Variants in ZNF469 observed in about 807,000 individuals in gnomAD.
The protein encoded by ZNF469 is zinc finger protein 469.
ZNF469 carries 1 observed loss-of-function variant against 1.0 expected under a neutral mutation model. The ratio of observed to expected loss-of-function variants is 1.00; its 90% confidence interval spans 0.35 to 4.73. The LOEUF is 4.73. Among genes scored for constraint, ZNF469 ranks in the 30% most tolerant of loss-of-function variants. ZNF469 has a pLI of 0.16. For synonymous variants in ZNF469, 2,703 were observed against 2,363.4 expected (o/e 1.14, Z -4.17); for missense variants, 6,100 against 5,356.3 (o/e 1.14, Z -4.33).
At chr16:88,187,961 T>C in the ZNF469 span, among the ~76,000 whole-genome samples, 26 of 152,052 alleles carry the variant, frequency 1.7e-4, no homozygotes, top group Non-Finnish European at 3.2e-4. Context: ...GGCAGGGGCT[T>C]TCCTGGGATG....
intron 2 of ZNF469, among the ~76,000 whole-genome samples, chr16:88,426,309 C>G (rs559795816): frequency 6.6e-6 from 1 of 152,372 alleles, no homozygotes; most frequent in East Asian, 1.9e-4. Context: ...ACAATGCCTG[C>G]AAGGGCTGAG....
the ZNF469 span, among the ~76,000 whole-genome samples, chr16:88,210,335 C>A: frequency 1.3e-5 from 2 of 151,720 alleles, no homozygotes; most frequent in East Asian, 1.9e-4. Flanking sequence ...CCTAATTTGT[C>A]ATTTGTCCTT....
the ZNF469 span, among the ~76,000 whole-genome samples, chr16:88,285,645 C>T: frequency 1.2e-4 from 18 of 152,370 alleles, no homozygotes; most frequent in African/African-American, 2.2e-4. Context: ...CTTTCAGACA[C>T]GCTGGAAGCG....
chr16:88,162,671 C>CT, the ZNF469 span, among the ~76,000 whole-genome samples: 1 of 35,954 alleles, frequency 2.8e-5, no homozygotes, highest in Non-Finnish European at 2.1e-4. Flanking sequence ...CTTTTTAGTG[C>CT]CCCCCCCCTT....
chr16:88,162,645 A>C, the ZNF469 span, among the ~76,000 whole-genome samples: 1 of 151,080 alleles, frequency 6.6e-6, no homozygotes, highest in African/African-American at 2.4e-5. Context: ...TCAAAAAAGC[A>C]TTTATCTTAA....
chr16:88,171,379 A>G, the ZNF469 span, among the ~76,000 whole-genome samples: 1 of 152,206 alleles, frequency 6.6e-6, no homozygotes, highest in East Asian at 1.9e-4. Context: ...CATGTTTCAG[A>G]GATTGCACCC....
At position 88,434,377 on chromosome 16, in the gene ZNF469, C is replaced by T. The variant is rs1468922812; in HGVS notation, c.6907C>T (p.Leu2303Phe). The T allele has an allele frequency of 1.3e-6, 2 of 1,550,012 alleles. No individual in the cohort carries two copies. The highest frequency in any genetic ancestry group is 2.4e-5 in the East Asian group (1 of 40,922). Residue 2303 changes from leucine to phenylalanine, a missense_variant, in exon 3 of 3, where the codon CTC (leucine) becomes TTC (phenylalanine). Physicochemically the swap from Leu to Phe is conservative, Grantham distance 22. Coordinates refer to ENST00000565624, the MANE Select transcript of ZNF469 (RefSeq NM_001367624.2). ...AGATGAGGCACAGGCAGGCAGGGGA[C>T]TCCCAGGGCCAGACCCCCAGAGCAG... ...TGDEAQAGRG[L>F]PGPDPQSRGA...
the ZNF469 span, among the ~76,000 whole-genome samples, chr16:88,353,805 C>G: frequency 3.3e-5 from 5 of 152,172 alleles, no homozygotes; most frequent in Non-Finnish European, 5.9e-5. Flanking sequence ...GATGCGGCCA[C>G]TCGCTGAGGA....
chr16:88,314,644 T>C, the ZNF469 span, among the ~76,000 whole-genome samples: 1 of 151,700 alleles, frequency 6.6e-6, no homozygotes, highest in African/African-American at 2.4e-5. Flanking sequence ...ATCTCTGTAA[T>C]TCAGGCAGTG....
the ZNF469 span, among the ~76,000 whole-genome samples, chr16:88,153,707 C>T: frequency 6.6e-4 from 100 of 152,374 alleles, no homozygotes; most frequent in African/African-American, 2.4e-3. Context: ...GTTCTGGAGG[C>T]TGCAAGTCCA....
the ZNF469 span, among the ~76,000 whole-genome samples, chr16:88,255,597 A>T: frequency 6.6e-6 from 1 of 152,214 alleles, no homozygotes; most frequent in Admixed American, 6.5e-5. Flanking sequence ...ACCTACACTG[A>T]CACATTATTA....
At chr16:88,124,039 G>A in the ZNF469 span, among the ~76,000 whole-genome samples, 5 of 152,222 alleles carry the variant, frequency 3.3e-5, no homozygotes, top group Non-Finnish European at 7.3e-5. Flanking sequence ...CTGAACTCAG[G>A]TGAACCAGCT....
At chr16:88,241,496 C>T in the ZNF469 span, among the ~76,000 whole-genome samples, 140 of 152,278 alleles carry the variant, frequency 9.2e-4, no homozygotes, top group African/African-American at 3.2e-3. This position sits in a 1 kb window ranked among gnomAD's most constrained non-coding sequence, Gnocchi z 4.8. Context: ...CTGGGGTGGG[C>T]TCAGGTGTCA....
At chr16:88,416,761 C>A (rs1905312288) in intron 1 of ZNF469, among the ~76,000 whole-genome samples, 1 of 152,180 alleles carries the variant, frequency 6.6e-6, no homozygotes, top group Admixed American at 6.5e-5. Flanking sequence ...CCCCGCAGGA[C>A]CACGCACCCT....
At chr16:88,187,189 G>A in the ZNF469 span, among the ~76,000 whole-genome samples, 145 of 152,082 alleles carry the variant, frequency 9.5e-4, no homozygotes, top group African/African-American at 3.3e-3. Context: ...AGCGGGTGGC[G>A]CAGGTTGGGG....
chr16:88,426,883 G>A (rs1431071448), intron 2 of ZNF469, among the ~76,000 whole-genome samples: 1 of 152,160 alleles, frequency 6.6e-6, no homozygotes, highest in African/African-American at 2.4e-5. Flanking sequence ...CTGCCTCAAG[G>A]CCCTCCCCAT....
At chr16:88,302,378 A>T in the ZNF469 span, 3 of 152,166 alleles carry the variant, frequency 2.0e-5, no homozygotes, top group African/African-American at 7.2e-5. Flanking sequence ...AAGAGTGGAT[A>T]TATTTATATT....
the ZNF469 span, among the ~76,000 whole-genome samples, chr16:88,137,486 G>A: frequency 6.6e-6 from 1 of 151,478 alleles, no homozygotes; most frequent in African/African-American, 2.4e-5. Context: ...ATACAATTAT[G>A]TGCACATATG....
the ZNF469 span, among the ~76,000 whole-genome samples, chr16:88,323,914 A>ACC: frequency 4.6e-5 from 7 of 152,132 alleles, no homozygotes; most frequent in African/African-American, 1.4e-4. Context: ...CCACCATTTC[A>ACC]CCCCTCCCAG....
Sources: allele counts gnomAD v4.1 joint callset (sites outside exome capture counted in the v4.1 genomes callset), GRCh38; gene constraint gnomAD v4.1.1; non-coding constraint Gnocchi (gnomAD v3.1); transcripts MANE v1.5; gene names NCBI Gene and HGNC (gene_info 2026-07-23, HGNC 2026-07-21).